The following TEAD4 variants were observed in gnomAD, a reference collection of about 807,000 sequenced individuals.
TEAD4 encodes TEA domain transcription factor 4.
A neutral mutation model predicts 52.4 loss-of-function variants in TEAD4; 36 were observed. The ratio of observed to expected loss-of-function variants is 0.69; its 90% CI spans 0.53 to 0.91. The LOEUF (loss-of-function observed/expected upper bound fraction) is 0.91, where lower values mean the gene tolerates loss of function less well. Ranked by LOEUF, TEAD4 falls within the 40% of genes least tolerant of loss-of-function variation. TEAD4 has a pLI of 0.00. For synonymous variants in TEAD4, 220 were observed against 231.0 expected, an observed-to-expected ratio of 0.95 and a Z score of 0.43; for missense variants, 508 against 583.9, an observed-to-expected ratio of 0.87 and a Z score of 1.34.
At chr12:2,975,677 C>T (rs1350717526) in intron 2 of TEAD4, among the ~76,000 whole-genome samples, 4 of 152,060 alleles carry the variant, frequency 2.6e-5, no homozygotes, top group East Asian at 1.9e-4. Flanking sequence ...CATGAGCCAC[C>T]GTGCCCAGCC....
At chr12:2,967,383 A>G (rs1329773109) in intron 2 of TEAD4, among the ~76,000 whole-genome samples, 6 of 152,218 alleles carry the variant, frequency 3.9e-5, no homozygotes, top group Non-Finnish European at 8.8e-5. Flanking sequence ...CATAATTTTA[A>G]GGATCCAAGT....
intron 2 of TEAD4, among the ~76,000 whole-genome samples, chr12:2,970,833 G>T (rs746674328): frequency 6.6e-6 from 1 of 152,184 alleles, no homozygotes; most frequent in African/African-American, 2.4e-5. Flanking sequence ...AAGCATCCTC[G>T]GAAATGCTCC....
chr12:3,036,784 T>C (rs1351458238), intron 10 of TEAD4, among the ~76,000 whole-genome samples: 1 of 152,164 alleles, frequency 6.6e-6, no homozygotes, highest in East Asian at 1.9e-4. Flanking sequence ...TGGGGACCCC[T>C]AAGGCGTAGG....
At chr12:3,025,014 G>T (rs761299012) in intron 10 of TEAD4, among the ~76,000 whole-genome samples, 4 of 151,066 alleles carry the variant, frequency 2.6e-5, no homozygotes, top group African/African-American at 9.8e-5. Flanking sequence ...GCGCGATCTC[G>T]GCTCACTACA....
At chr12:3,012,319 G>T in intron 5 of TEAD4, 87 bp downstream of exon 5, 1 of 1,411,276 alleles carries the variant, frequency 7.1e-7, no homozygotes, top group East Asian at 2.4e-5. Context: ...CATCACTGCT[G>T]GTGTGCAAGT....
At chr12:3,004,615 G>A (rs1403947147) in intron 3 of TEAD4, among the ~76,000 whole-genome samples, 1 of 152,196 alleles carries the variant, frequency 6.6e-6, no homozygotes, top group Non-Finnish European at 1.5e-5. Flanking sequence ...TTCCCTGTCT[G>A]TAGCGTGGAT....
chr12:3,005,974 G>C (rs932358182), intron 3 of TEAD4, among the ~76,000 whole-genome samples: 4 of 152,084 alleles, frequency 2.6e-5, no homozygotes, highest in African/African-American at 9.7e-5. Flanking sequence ...TGCCCAGCAT[G>C]GTGACTGTAG....
intron 2 of TEAD4, among the ~76,000 whole-genome samples, chr12:2,973,533 T>C (rs2098226957): frequency 6.6e-6 from 1 of 152,188 alleles, no homozygotes; most frequent in Non-Finnish European, 1.5e-5. Flanking sequence ...AGCTGTGGCC[T>C]TTCTCACAGT....
chr12:2,996,381 T>C (rs1458622059), intron 3 of TEAD4, among the ~76,000 whole-genome samples: 1 of 152,074 alleles, frequency 6.6e-6, no homozygotes, highest in East Asian at 1.9e-4. Flanking sequence ...TGATGGTTGC[T>C]TATTTTTTCC....
At chr12:3,018,515 G>A (rs571915824) in intron 6 of TEAD4, 30 bp from the exon 7 acceptor site, 46 of 1,613,896 alleles carry the variant, frequency 2.9e-5, no homozygotes, top group East Asian at 2.2e-4. Flanking sequence ...ACCTGGGGCC[G>A]TGCTGATTCC....
intron 2 of TEAD4, among the ~76,000 whole-genome samples, chr12:2,971,966 T>C (rs887182633): frequency 4.7e-5 from 7 of 150,094 alleles, no homozygotes; most frequent in Non-Finnish European, 8.9e-5. Context: ...GCACGTGTCA[T>C]GATGCCCGGC....
intron 10 of TEAD4, among the ~76,000 whole-genome samples, chr12:3,025,005 C>T (rs1435413185): frequency 2.8e-4 from 43 of 151,238 alleles, no homozygotes; most frequent in Admixed American, 2.4e-3. Flanking sequence ...AGTGTAGTGG[C>T]GCGATCTCGG....
rs374365771 is a variant in TEAD4, at chr12:3,020,673, C to T, written c.623C>T (p.Ala208Val). 39 of 1,603,372 alleles carry T rather than the reference C, an allele frequency of 2.4e-5. No individual in the cohort carries two copies. Among genetic ancestry groups the T allele is most frequent in the East Asian group, 4.5e-5 (2 of 44,330 alleles). ...GCAGGGCCCGCCCCATCGCCCTCTG[C>T]GCCCCCGGCACCCCCATGGCAGGGC... The change falls in exon 9 of 13, where the codon GCG (alanine) becomes GTG (valine). Residue 208 changes from alanine (A) to valine (V), a missense_variant. Ala to Val is a moderately conservative substitution (Grantham distance 64). Coordinates refer to ENST00000359864, the MANE Select transcript of TEAD4 (RefSeq NM_003213.4).
intron 2 of TEAD4, among the ~76,000 whole-genome samples, chr12:2,981,629 T>G (rs2098234181): frequency 6.6e-6 from 1 of 152,192 alleles, no homozygotes. Context: ...CTGGACCCTT[T>G]TCTCTAGAGT....
chr12:2,980,736 TAA>T (rs1210823772), intron 2 of TEAD4, among the ~76,000 whole-genome samples: 1 of 138,864 alleles, frequency 7.2e-6, no homozygotes, highest in Non-Finnish European at 1.6e-5. Context: ...CTGTCTCAAT[TAA>T]AAAAAAAAAA....
intron 10 of TEAD4, among the ~76,000 whole-genome samples, chr12:3,026,000 G>C (rs1221833499): frequency 6.6e-6 from 1 of 151,946 alleles, no homozygotes; most frequent in African/African-American, 2.4e-5. Context: ...TTTCACATTG[G>C]TGAGCTTTGG....
rs1448859001 is a variant in TEAD4 at position 3,018,561 on chromosome 12, T to C, written c.500T>C (p.Leu167Ser). Residue 167 changes from leucine to serine, a missense_variant, in exon 7 of 13, where the codon TTG (leucine) becomes TCG (serine). Physicochemically the swap from Leu to Ser is moderately radical, Grantham distance 145. Transcript: ENST00000359864. ...CCTCCTCAGTTTTGGCAAGGAGCTT[T>C]GCCAGGCCAAGCCGGAACGTCCCAT... 8 of 1,613,996 alleles carry C rather than the reference T, an allele frequency of 5.0e-6. No individual in the cohort carries two copies. Among genetic ancestry groups the C allele is most frequent in the Non-Finnish European group, 6.8e-6 (8 of 1,179,978 alleles).
At chr12:2,986,017 C>G (rs971952967) in intron 2 of TEAD4, among the ~76,000 whole-genome samples, 1 of 151,856 alleles carries the variant, frequency 6.6e-6, no homozygotes, top group African/African-American at 2.4e-5. Flanking sequence ...ACCCGGGAGG[C>G]AGAGGTTGCA....
intron 2 of TEAD4, among the ~76,000 whole-genome samples, chr12:2,977,579 A>G (rs557064514): frequency 1.3e-5 from 2 of 152,332 alleles, no homozygotes; most frequent in East Asian, 1.9e-4. Flanking sequence ...CTCAATCCTC[A>G]GTGGCTCTGC....
Sources: gnomAD v4.1 joint callset for allele counts (sites outside exome capture counted in the v4.1 genomes callset) on GRCh38, gnomAD v4.1.1 for gene constraint, MANE v1.5 for transcripts, NCBI Gene and HGNC (gene_info 2026-07-23, HGNC 2026-07-21) for gene names.